Variants in VPS13C observed in about 807,000 individuals in gnomAD.
VPS13C encodes vacuolar protein sorting 13 homolog C, also known as intermembrane lipid transfer protein VPS13C.
Under a neutral mutation model 456.8 loss-of-function variants are expected in VPS13C, and 358 were observed. The ratio of observed to expected loss-of-function variants is 0.78; its 90% CI spans 0.72 to 0.86. VPS13C has a LOEUF of 0.86. VPS13C is among the 40% of genes least tolerant of loss of function. The pLI is 0.00. For missense variants in VPS13C, 4,818 were observed against 4,385.4 expected, an observed-to-expected ratio of 1.10 and a Z score of -2.79; for synonymous variants, 1,578 against 1,486.7, an observed-to-expected ratio of 1.06 and a Z score of -1.41.
In VPS13C at chr15:61,947,410, G is replaced by A. The variant is rs1417798706; in HGVS notation, c.4760-101C>T. ...AAAATAAAAGTACCCAATGTACTCT[G>A]AGGAACCAAAATGCCCTCCATTAAG... On this transcript the variant is annotated intron_variant, in intron 42 of 84. Coordinates refer to ENST00000644861, the MANE Select transcript of VPS13C (RefSeq NM_020821.3). 1.4e-5 allele frequency: 11 copies of A among 789,262 alleles called. No homozygotes were observed. In the East Asian group the frequency reaches 2.8e-4, roughly 20 times the overall value. The allele number at this position is 789,262 out of a possible 1,614,324, so 48.9% of individuals were successfully genotyped here. A position where few individuals can be genotyped will look rare whatever the true frequency, so the allele number is the denominator to read the frequency against.
chr15:62,009,928 C>G (rs1484943276), intron 13 of VPS13C, among the ~76,000 whole-genome samples: 1 of 152,136 alleles, frequency 6.6e-6, no homozygotes, highest in East Asian at 1.9e-4. Flanking sequence ...TAGCTCACGC[C>G]TGTAATCCCA....
chr15:61,886,231 C>T (rs1203845902), intron 67 of VPS13C, among the ~76,000 whole-genome samples: 1 of 152,022 alleles, frequency 6.6e-6, no homozygotes, highest in Non-Finnish European at 1.5e-5. Flanking sequence ...TAAGATATTC[C>T]GTGTGATGAC....
intron 51 of VPS13C, among the ~76,000 whole-genome samples, chr15:61,929,055 G>C (rs1318550615): frequency 6.6e-6 from 1 of 152,150 alleles, no homozygotes; most frequent in Non-Finnish European, 1.5e-5. Context: ...CCAGACATTT[G>C]CAAACTCTTC....
intron 12 of VPS13C, among the ~76,000 whole-genome samples, chr15:62,011,254 C>T (rs1040047478): frequency 6.6e-6 from 1 of 151,964 alleles, no homozygotes; most frequent in Non-Finnish European, 1.5e-5. Flanking sequence ...TTACAATTTG[C>T]ATAAGACTGT....
At chr15:61,880,460 C>T in intron 73 of VPS13C, 149 bp downstream of exon 73, 1 of 521,200 alleles carries the variant, frequency 1.9e-6, no homozygotes, top group South Asian at 3.6e-5. Flanking sequence ...ACATATGCTA[C>T]AGAGAACTGT....
Position 61,917,423 on chromosome 15 carries a change from C to T in VPS13C, c.7973G>A (p.Trp2658Ter). The T allele has an allele frequency of 3.7e-6, 6 of 1,613,956 alleles. No homozygotes were observed. Among genetic ancestry groups the T allele is most frequent in the Non-Finnish European group, 5.1e-6 (6 of 1,179,872 alleles). Residue 2658 changes from tryptophan to a stop codon, truncating the protein, a stop_gained, in exon 60 of 85, where the codon TGG becomes TAG. Coordinates refer to ENST00000644861, the MANE Select transcript of VPS13C (RefSeq NM_020821.3). LOFTEE classifies it high-confidence loss of function. ...AAGATGAATAATGTAAGCTACATCC[C>T]AGTCTTCCCCATGTGTACATATGTA... is the stretch of plus-strand genomic sequence containing the variant. ...LSYICTHGED[W>*]DVAYIIHLYP...
intron 18 of VPS13C, among the ~76,000 whole-genome samples, chr15:61,988,839 A>C (rs1283942615): frequency 1.3e-5 from 2 of 152,152 alleles, no homozygotes; most frequent in Non-Finnish European, 2.9e-5. Flanking sequence ...GTGCTATGTA[A>C]GGAGACAGCT....
At chr15:62,007,213 T>G in intron 15 of VPS13C, 95 bp downstream of exon 15, 2 of 1,004,096 alleles carry the variant, frequency 2.0e-6, no homozygotes, top group Non-Finnish European at 2.6e-6. Flanking sequence ...AATTCTGTTC[T>G]TCCTAAAATT....
intron 60 of VPS13C, among the ~76,000 whole-genome samples, chr15:61,916,883 A>AT (rs1297550577): frequency 6.6e-6 from 1 of 152,092 alleles, no homozygotes; most frequent in Non-Finnish European, 1.5e-5. Context: ...ATATTTTCTC[A>AT]TTTTTTCCTA....
intron 18 of VPS13C, among the ~76,000 whole-genome samples, chr15:61,988,029 T>A (rs557796112): frequency 6.6e-6 from 1 of 152,246 alleles, no homozygotes; most frequent in East Asian, 1.9e-4. Flanking sequence ...ATTCATACAA[T>A]GAAATACTAT....
chr15:61,965,675 C>A (rs957889469), intron 30 of VPS13C, among the ~76,000 whole-genome samples: 3 of 151,874 alleles, frequency 2.0e-5, no homozygotes, highest in Non-Finnish European at 4.4e-5. Flanking sequence ...TTTTGCCCCT[C>A]TTACTCTAAG....
chr15:62,030,256 A>C (rs1025486547), intron 5 of VPS13C, among the ~76,000 whole-genome samples: 1 of 152,194 alleles, frequency 6.6e-6, no homozygotes, highest in Non-Finnish European at 1.5e-5. Flanking sequence ...AAAAGGTTGT[A>C]TAAGAAAGGA....
At chr15:61,870,079 T>C (rs1165036905) in intron 79 of VPS13C, among the ~76,000 whole-genome samples, 2 of 152,238 alleles carry the variant, frequency 1.3e-5, no homozygotes, top group Non-Finnish European at 2.9e-5. Flanking sequence ...TCATATACCA[T>C]AAAATTTACC....
intron 45 of VPS13C, among the ~76,000 whole-genome samples, chr15:61,944,002 A>G (rs2044520822): frequency 6.6e-6 from 1 of 152,166 alleles, no homozygotes; most frequent in South Asian, 2.1e-4. Context: ...ACTTCTCAAA[A>G]GAAGACATAC....
chr15:61,970,892 CA>C (rs1886511229), intron 27 of VPS13C, among the ~76,000 whole-genome samples: 2 of 147,256 alleles, frequency 1.4e-5, no homozygotes, highest in Admixed American at 6.7e-5. Flanking sequence ...TCAAGCCATG[CA>C]GGAAAAGAGT....
chr15:61,922,617 A>T lies in VPS13C; in HGVS notation c.6755T>A (p.Leu2252His). ...TATTTCTGTTGCCGTGTCAACACCA[A>T]GAAACCAAGTGTTATAATCATTAAT... Reference protein sequence around the residue: ...KSINDYNTWFLGVDTATEITE... With the variant: ...KSINDYNTWFHGVDTATEITE... Residue 2252 changes from leucine to histidine, a missense_variant, in exon 54 of 85, where the codon CTT (leucine) becomes CAT (histidine). Transcript: ENST00000644861. 1 of 1,614,124 alleles carries T rather than the reference A, an allele frequency of 6.2e-7. No homozygotes were observed. Among genetic ancestry groups the T allele is most frequent in the Non-Finnish European group, 8.5e-7 (1 of 1,179,986 alleles).
At chr15:61,854,774 G>A in intron 84 of VPS13C, 97 bp downstream of exon 84, 1 of 1,183,868 alleles carries the variant, frequency 8.4e-7, no homozygotes, top group African/African-American at 1.5e-5. Flanking sequence ...GTTATATTTG[G>A]GAGAGCTTTG....
chr15:61,856,179 ATAG>A, intron 83 of VPS13C, 104 bp downstream of exon 83: 1 of 1,311,208 alleles, frequency 7.6e-7, no homozygotes, highest in Non-Finnish European at 1.1e-6. Context: ...ATCTCAGCAT[ATAG>A]TAGTAATAAC....
intron 42 of VPS13C, among the ~76,000 whole-genome samples, chr15:61,949,217 G>C (rs1161577437): frequency 1.3e-5 from 2 of 152,050 alleles, no homozygotes; most frequent in Non-Finnish European, 2.9e-5. Flanking sequence ...GTAAAAGCTA[G>C]ACAGTGAATT....
Sources: gnomAD v4.1 joint callset for allele counts (sites outside exome capture counted in the v4.1 genomes callset) on GRCh38, gnomAD v4.1.1 for gene constraint, MANE v1.5 for transcripts, NCBI Gene and HGNC (gene_info 2026-07-23, HGNC 2026-07-21) for gene names.